Variants in LRRK2 observed in about 807,000 individuals in gnomAD.
LRRK2 encodes the protein leucine-rich repeat serine/threonine-protein kinase 2.
A neutral mutation model predicts 302.6 loss-of-function variants in LRRK2; 203 were observed. The observed-to-expected ratio is 0.67, with a 90% CI of 0.60 to 0.75. LRRK2 has a LOEUF of 0.75. LRRK2 is among the 30% of genes least tolerant of loss of function. LRRK2 has a pLI of 0.00. For synonymous variants in LRRK2, 1,066 were observed against 1,031.9 expected (o/e 1.03, Z -0.63); for missense variants, 2,830 against 2,951.0 (o/e 0.96, Z 0.95).
Position 40,243,685 on chromosome 12 carries a change from AG to A in LRRK2, c.838+5del. On this transcript the variant is annotated splice_donor_5th_base_variant and intron_variant, in intron 7 of 50. Coordinates refer to ENST00000298910, the MANE Select transcript of LRRK2 (RefSeq NM_198578.4). ...TTGCTCCATAGGCTTACATTAGGTGAGTTTCTTAGTTAATATGTCATCACAC... is the reference window on the plus strand; with the variant it reads ...TTGCTCCATAGGCTTACATTAGGTGATTTCTTAGTTAATATGTCATCACAC... 6.2e-7 allele frequency: 1 copy of A among 1,610,708 alleles called. No homozygotes were observed. The highest frequency in any genetic ancestry group is 8.5e-7 in the Non-Finnish European group (1 of 1,177,662).
intron 20 of LRRK2, among the ~76,000 whole-genome samples, chr12:40,293,341 G>A (rs1470436819): frequency 6.6e-6 from 1 of 151,894 alleles, no homozygotes; most frequent in African/African-American, 2.4e-5. Context: ...TATGGGTGAA[G>A]AAAAATGTTG....
chr12:40,352,615 G>A (rs140899349), intron 44 of LRRK2, among the ~76,000 whole-genome samples: 1,691 of 150,926 alleles, frequency 0.011, 34 homozygotes, highest in African/African-American at 0.039. Context: ...GCGGCCTTCC[G>A]TAGTGTTTGT....
chr12:40,309,302 G>C, intron 30 of LRRK2, 69 bp downstream of exon 30: 1 of 1,539,836 alleles, frequency 6.5e-7, no homozygotes, highest in Non-Finnish European at 8.8e-7. Flanking sequence ...GTGTGTGTGT[G>C]TAAGTTAATT....
chr12:40,363,499 T>C lies in LRRK2; in HGVS notation c.7126T>C (p.Trp2376Arg). ...AKQNSPVVEVWDKKTEKLCGL... is the reference protein window; with the variant it reads ...AKQNSPVVEVRDKKTEKLCGL... Reference sequence around the variant, plus strand: ...GCAAAATAGCCCTGTTGTGGAAGTGTGGGATAAGAAAACTGAAAAACTCTG... The same window carrying C: ...GCAAAATAGCCCTGTTGTGGAAGTGCGGGATAAGAAAACTGAAAAACTCTG... The change falls in exon 48 of 51, where the codon TGG becomes CGG. Residue 2376 changes from tryptophan (W) to arginine (R), a missense_variant. Physicochemically the swap from Trp to Arg is moderately radical, Grantham distance 101. Around this residue, in one of 3 missense-constraint regions of LRRK2, gnomAD observed 456 missense variants for 456.3 expected, o/e 1.00. Coordinates refer to ENST00000298910, the MANE Select transcript of LRRK2 (RefSeq NM_198578.4). 6.2e-7 allele frequency: 1 copy of C among 1,612,066 alleles called. No homozygotes were observed. Among genetic ancestry groups the C allele is most frequent in the Non-Finnish European group, 8.5e-7 (1 of 1,178,724 alleles).
At chr12:40,365,091 T>C (rs1946837900) in intron 49 of LRRK2, 41 bp downstream of exon 49, 3 of 1,548,392 alleles carry the variant, frequency 1.9e-6, no homozygotes, top group Admixed American at 3.4e-5. Context: ...ATTCTCTAAG[T>C]CTTATAAAAT....
rs73263871 is a variant in LRRK2 at position 40,273,731 on chromosome 12, A to G, written c.1657-852A>G. 3.5e-3 allele frequency among the ~76,000 whole-genome samples: 535 copies of G among 152,296 alleles called. 5 individuals carry two copies. The highest frequency in any genetic ancestry group is 0.011 in the African/African-American group (461 of 41,574). ...AGAAGGATGGCACTATAATTTTTAA[A>G]AGAAAAGCTATGAGTTAAGCATTCA... On this transcript the variant is annotated intron_variant, in intron 14 of 50. Coordinates refer to ENST00000298910, the MANE Select transcript of LRRK2 (RefSeq NM_198578.4).
intron 16 of LRRK2, among the ~76,000 whole-genome samples, chr12:40,277,428 G>T (rs1406329194): frequency 1.3e-5 from 2 of 152,108 alleles, no homozygotes; most frequent in Non-Finnish European, 2.9e-5. Flanking sequence ...AAACATTTCG[G>T]AAGACAGCGC....
At chr12:40,355,610 T>A (rs550706222) in intron 45 of LRRK2, among the ~76,000 whole-genome samples, 2 of 150,278 alleles carry the variant, frequency 1.3e-5, no homozygotes, top group East Asian at 4.0e-4. Context: ...TGGCATGATC[T>A]TGGCTCACTG....
At position 40,322,389 on chromosome 12, in the gene LRRK2, G is replaced by A; in HGVS notation, c.5388G>A (p.Leu1796=). Residue 1796 remains leucine, a synonymous_variant, in exon 37 of 51, where the codon CTG becomes CTA. Coordinates refer to ENST00000298910, the MANE Select transcript of LRRK2 (RefSeq NM_198578.4). ...SLMEEWFPGL[L]EIDICGEGET... is the part of the protein sequence containing the mutation. ...TGGAAGAATGGTTTCCTGGGTTGCT[G>A]GAGATTGATATTTGTGGTGAAGGAG... 1 of 1,613,622 alleles carries A rather than the reference G, an allele frequency of 6.2e-7. No homozygotes were observed. Among genetic ancestry groups the A allele is most frequent in the South Asian group, 1.1e-5 (1 of 91,070 alleles).
At chr12:40,238,184 A>G (rs1941558091) in intron 5 of LRRK2, 81 bp downstream of exon 5, 3 of 1,391,448 alleles carry the variant, frequency 2.2e-6, no homozygotes, top group Non-Finnish European at 3.0e-6. Flanking sequence ...CAGTTATAAT[A>G]AGAAGAAGGT....
At chr12:40,340,594 A>G in intron 41 of LRRK2, 140 bp downstream of exon 41, 1 of 874,520 alleles carries the variant, frequency 1.1e-6, no homozygotes, top group South Asian at 1.4e-5. Context: ...AAATGCAAGC[A>G]TCACATTGTG....
intron 2 of LRRK2, chr12:40,228,048 G>C (rs746786380): frequency 5.3e-5 from 8 of 152,108 alleles, no homozygotes; most frequent in Non-Finnish European, 8.8e-5. Flanking sequence ...ATAAACATGG[G>C]AGTTCAGATA....
intron 41 of LRRK2, 40 bp from the exon 42 acceptor site, chr12:40,346,713 G>A (rs1422060993): frequency 6.3e-7 from 1 of 1,596,966 alleles, no homozygotes; most frequent in South Asian, 1.1e-5. Flanking sequence ...TATGAGCCCT[G>A]ATGTTGGTCA....
chr12:40,327,637 G>A (rs1945592639), intron 38 of LRRK2, among the ~76,000 whole-genome samples: 1 of 152,138 alleles, frequency 6.6e-6, no homozygotes, highest in Non-Finnish European at 1.5e-5. Flanking sequence ...ACAGGAGAGT[G>A]ACACAATCAA....
At chr12:40,234,127 G>A (rs903376132) in intron 3 of LRRK2, among the ~76,000 whole-genome samples, 2 of 152,162 alleles carry the variant, frequency 1.3e-5, no homozygotes, top group Non-Finnish European at 2.9e-5. Context: ...GTGATTAGGA[G>A]GAAGGCTGGC....
In LRRK2 at chr12:40,367,631, T is replaced by C; in HGVS notation, c.7463-13T>C. 1 of 1,596,562 alleles carries C rather than the reference T, an allele frequency of 6.3e-7. No individual in the cohort carries two copies. Among genetic ancestry groups the C allele is most frequent in the Non-Finnish European group, 8.5e-7 (1 of 1,171,210 alleles). ...GATCTTTGAAACATGATTTCATTTT[T>C]TTCTTTTTCTAGAGATACAATCTTG... On this transcript the variant is annotated splice_polypyrimidine_tract_variant and intron_variant, in intron 50 of 50. Transcript: ENST00000298910.
intron 25 of LRRK2, chr12:40,300,667 A>C (rs1404330119): frequency 2.5e-6 from 1 of 394,836 alleles, no homozygotes; most frequent in African/African-American, 2.1e-5. Flanking sequence ...CTGGGGATAG[A>C]GTTGTTGACT....
At position 40,295,988 on chromosome 12, in the gene LRRK2, C is replaced by T. The variant is rs113067183; in HGVS notation, c.3096+344C>T. On this transcript the variant is annotated intron_variant, in intron 23 of 50. Transcript: ENST00000298910. ...TAGATTAGGTAAACTAGAATTAGAC[C>T]TGGTTTGGTAGTACTGGCTCTGACT... 8.3e-4 allele frequency among the ~76,000 whole-genome samples: 127 copies of T among 152,234 alleles called. 1 individual carries two copies. The highest frequency in any genetic ancestry group is 2.9e-3 in the African/African-American group (121 of 41,542).
intron 10 of LRRK2, among the ~76,000 whole-genome samples, chr12:40,251,892 C>T (rs1011460658): frequency 5.3e-5 from 8 of 152,266 alleles, no homozygotes; most frequent in African/African-American, 1.9e-4. Flanking sequence ...GTGATCTTTT[C>T]TTCTATGGTG....
Sources: allele counts gnomAD v4.1 joint callset (sites outside exome capture counted in the v4.1 genomes callset), GRCh38; gene constraint gnomAD v4.1.1; regional missense constraint gnomAD v4.1.1; transcripts MANE v1.5; gene names NCBI Gene and HGNC (gene_info 2026-07-23, HGNC 2026-07-21).